Variants in ZC3H12B observed in about 807,000 individuals in gnomAD.
ZC3H12B encodes probable ribonuclease ZC3H12B.
A neutral mutation model predicts 43.9 loss-of-function variants in ZC3H12B; 7 were observed. The ratio of observed to expected loss-of-function variants is 0.16; its 90% CI spans 0.09 to 0.30. ZC3H12B has a LOEUF of 0.30. ZC3H12B is among the 10% of genes least tolerant of loss of function. The pLI, the probability that ZC3H12B is intolerant of heterozygous loss-of-function variation, is 1.00. For missense variants in ZC3H12B, 475 were observed against 670.2 expected, an observed-to-expected ratio of 0.71 and a Z score of 3.22; for synonymous variants, 222 against 241.7, an observed-to-expected ratio of 0.92 and a Z score of 0.76.
chrX:65,065,390 A>G, the ZC3H12B span, among the ~76,000 whole-genome samples: 6 of 111,510 alleles, frequency 5.4e-5, no homozygotes, highest in Non-Finnish European at 1.1e-4. Flanking sequence ...TTATTTCTCT[A>G]TTGCTTATGA....
chrX:65,260,833 C>A, the ZC3H12B span, among the ~76,000 whole-genome samples: 1 of 111,840 alleles, frequency 8.9e-6, no homozygotes, highest in African/African-American at 3.2e-5. Flanking sequence ...AACTGTGTCA[C>A]TTATTAGCTG....
At chrX:65,209,404 A>T in the ZC3H12B span, among the ~76,000 whole-genome samples, 4 of 80,144 alleles carry the variant, frequency 5.0e-5, no homozygotes, top group African/African-American at 4.8e-5. Context: ...GTTTCAAAGA[A>T]CATCTTTATT....
At chrX:65,352,372 G>A in the ZC3H12B span, among the ~76,000 whole-genome samples, 3 of 110,428 alleles carry the variant, frequency 2.7e-5, no homozygotes, top group Non-Finnish European at 5.7e-5. Flanking sequence ...TGTAGGTGAC[G>A]TGTTGATTAG....
chrX:65,414,905 G>A (rs1201954792), intron 3 of ZC3H12B, among the ~76,000 whole-genome samples: 1 of 112,224 alleles, frequency 8.9e-6, no homozygotes, highest in East Asian at 2.8e-4. Context: ...TAAAATGTTT[G>A]AAGAGATTTA....
chrX:65,138,986 A>G, the ZC3H12B span, among the ~76,000 whole-genome samples: 7 of 111,924 alleles, frequency 6.3e-5, no homozygotes, highest in African/African-American at 1.9e-4. Flanking sequence ...TATTTTGGAT[A>G]TTATCCTCTC....
At chrX:65,440,697 A>C (rs1490314657) in intron 3 of ZC3H12B, among the ~76,000 whole-genome samples, 1 of 112,538 alleles carries the variant, frequency 8.9e-6, no homozygotes, top group East Asian at 2.8e-4. Context: ...TTGGAATTAT[A>C]GCAGGAGAAG....
At chrX:65,350,608 T>C in the ZC3H12B span, among the ~76,000 whole-genome samples, 17 of 112,273 alleles carry the variant, frequency 1.5e-4, no homozygotes, top group African/African-American at 5.2e-4. Flanking sequence ...CTCCTTAAGC[T>C]GATAAGCAAC....
At chrX:65,162,279 T>C in the ZC3H12B span, among the ~76,000 whole-genome samples, 1 of 111,131 alleles carries the variant, frequency 9.0e-6, no homozygotes, top group Non-Finnish European at 1.9e-5. Flanking sequence ...ATTTTTGTGG[T>C]GTTCTCTGTA....
the ZC3H12B span, among the ~76,000 whole-genome samples, chrX:65,082,145 C>G: frequency 1.6e-4 from 18 of 111,231 alleles, no homozygotes; most frequent in Admixed American, 6.7e-4. Flanking sequence ...GAGTATATAT[C>G]TATAAGTGTC....
chrX:65,387,022 A>G (rs1019477200), intron 2 of ZC3H12B, among the ~76,000 whole-genome samples: 1 of 111,664 alleles, frequency 9.0e-6, no homozygotes, highest in Non-Finnish European at 1.9e-5. Flanking sequence ...AGTTTGTCAT[A>G]ATTTCTGTTC....
the ZC3H12B span, among the ~76,000 whole-genome samples, chrX:65,101,283 T>A: frequency 9.0e-6 from 1 of 111,649 alleles, no homozygotes; most frequent in Non-Finnish European, 1.9e-5. Flanking sequence ...AATGCCCACA[T>A]CAGAAAGCGG....
the ZC3H12B span, among the ~76,000 whole-genome samples, chrX:65,144,347 T>C: frequency 8.9e-6 from 1 of 112,355 alleles, no homozygotes; most frequent in Admixed American, 9.4e-5. Context: ...ATTGAGCTTA[T>C]TTCAATTTTC....
the ZC3H12B span, among the ~76,000 whole-genome samples, chrX:65,318,705 C>A: frequency 9.0e-6 from 1 of 111,416 alleles, no homozygotes; most frequent in South Asian, 3.8e-4. Flanking sequence ...CAGGCGTGAA[C>A]CACCGCATCC....
chrX:65,253,504 C>T, the ZC3H12B span, among the ~76,000 whole-genome samples: 759 of 112,183 alleles, frequency 6.8e-3, 9 homozygotes, highest in African/African-American at 0.023. Context: ...TGAAGCACAG[C>T]CAGGGGCTCC....
At chrX:65,398,323 G>A (rs188710295) in intron 2 of ZC3H12B, among the ~76,000 whole-genome samples, 1 of 111,968 alleles carries the variant, frequency 8.9e-6, no homozygotes, top group East Asian at 2.8e-4. Flanking sequence ...GCTATCCTGA[G>A]CAAAAAGAAC....
At chrX:65,405,567 C>T (rs1403458181) in intron 3 of ZC3H12B, among the ~76,000 whole-genome samples, 1 of 110,974 alleles carries the variant, frequency 9.0e-6, no homozygotes, top group Non-Finnish European at 1.9e-5. Flanking sequence ...CTGCCGTGAG[C>T]CAAGATAGCA....
chrX:65,118,024 A>G, the ZC3H12B span, among the ~76,000 whole-genome samples: 2 of 111,961 alleles, frequency 1.8e-5, no homozygotes, highest in Admixed American at 1.9e-4. Context: ...CTTTTAGCTT[A>G]GGATTGTCTT....
At chrX:65,407,995 G>T in intron 3 of ZC3H12B, 1 of 1,047,478 alleles carries the variant, frequency 9.5e-7, no homozygotes, top group Non-Finnish European at 1.3e-6. Flanking sequence ...CTGGCTTTCC[G>T]GCTTAATTTT....
At chrX:65,175,629 G>C in the ZC3H12B span, among the ~76,000 whole-genome samples, 1 of 112,078 alleles carries the variant, frequency 8.9e-6, no homozygotes, top group Non-Finnish European at 1.9e-5. Context: ...GCAGCTCTCA[G>C]TGAGATTAAT....
Sources: allele counts gnomAD v4.1 joint callset (sites outside exome capture counted in the v4.1 genomes callset), GRCh38; gene constraint gnomAD v4.1.1; transcripts MANE v1.5; gene names NCBI Gene and HGNC (gene_info 2026-07-23, HGNC 2026-07-21).